NFASC: variants seen among roughly 807,000 people sequenced by gnomAD.
The protein encoded by NFASC is neurofascin.
NFASC carries 43 observed loss-of-function variants against 147.5 expected under a neutral mutation model. That is an observed-to-expected ratio of 0.29 (90% CI 0.23 to 0.38). The LOEUF is 0.38. Among genes scored for constraint, NFASC ranks in the 10% least tolerant of loss-of-function variants. The pLI is 1.00. For synonymous variants in NFASC, 622 were observed against 665.5 expected (o/e 0.93, Z 1.01); for missense variants, 1,320 against 1,689.0 (o/e 0.78, Z 3.83).
In NFASC at chr1:204,841,665, G is replaced by A. The variant is rs568120739; in HGVS notation, c.-200+12883G>A. ...CAGCATTGGTCTGTTTCACTTACAG[G>A]TTTACTTTTGATTGTGGTATTAAAA... On this transcript the variant is annotated intron_variant, in intron 1 of 29. Transcript: ENST00000339876. Among the ~76,000 whole-genome samples the A allele has an allele frequency of 2.0e-4, 30 of 152,230 alleles. No individual in the cohort carries two copies. In the South Asian group the frequency reaches 6.0e-3, roughly 31 times the overall value.
intron 1 of NFASC, among the ~76,000 whole-genome samples, chr1:204,874,155 C>T (rs995191416): frequency 2.6e-5 from 4 of 152,338 alleles, no homozygotes; most frequent in South Asian, 2.1e-4. Context: ...TGTTCCCCTT[C>T]GTTCCTACCC....
chr1:205,019,943 C>T lies in NFASC; in HGVS notation c.*3404C>T, dbSNP rs1056143857. The T allele has an allele frequency of 2.0e-5, 3 of 152,262 alleles. No homozygotes were observed. The highest frequency in any genetic ancestry group is 4.4e-5 in the Non-Finnish European group (3 of 68,060). 9.4% of individuals were successfully genotyped at this position (152,262 alleles called of 1,614,324 possible). A position where few individuals can be genotyped will look rare whatever the true frequency, so the allele number is the denominator to read the frequency against. On this transcript the variant is annotated 3_prime_UTR_variant, in exon 30 of 30. Transcript: ENST00000339876. ...TCGAGGCCAGGGTTCGGGAAGTACA[C>T]TGCCATCGGTCAGGGGACAGCTGCC...
intron 13 of NFASC, 55 bp downstream of exon 13, chr1:204,974,345 C>G (rs1222345906): frequency 8.1e-6 from 11 of 1,366,426 alleles, no homozygotes; most frequent in Admixed American, 1.7e-5. Context: ...CTCATCTTCT[C>G]CTTCCCATCT....
intron 3 of NFASC, among the ~76,000 whole-genome samples, chr1:204,949,382 A>G (rs1361741408): frequency 6.6e-6 from 1 of 152,180 alleles, no homozygotes; most frequent in Non-Finnish European, 1.5e-5. Context: ...GAAGGCTTCA[A>G]AGTCACCATG....
chr1:204,970,005 G>T (rs1558299477), intron 10 of NFASC, among the ~76,000 whole-genome samples: 1 of 148,938 alleles, frequency 6.7e-6, no homozygotes, highest in Admixed American at 6.8e-5. Flanking sequence ...GAACCTGGGA[G>T]GCGGAAGTTG....
At chr1:204,900,010 T>A (rs1464117015) in intron 1 of NFASC, among the ~76,000 whole-genome samples, 1 of 152,232 alleles carries the variant, frequency 6.6e-6, no homozygotes, top group Non-Finnish European at 1.5e-5. Context: ...TTATAGTGGA[T>A]GTGTTGAAAT....
chr1:204,963,480 C>T (rs1158287049), intron 8 of NFASC, among the ~76,000 whole-genome samples: 1 of 152,184 alleles, frequency 6.6e-6, no homozygotes, highest in East Asian at 1.9e-4. Context: ...TAAGATAAGC[C>T]ATACAGGGGA....
At chr1:204,858,034 C>A (rs1332015515) in intron 1 of NFASC, among the ~76,000 whole-genome samples, 1 of 150,940 alleles carries the variant, frequency 6.6e-6, no homozygotes, top group Non-Finnish European at 1.5e-5. Context: ...ATTCTCCTGT[C>A]TCAGCCTCCC....
At chr1:204,982,797 G>T (rs1458222580) in intron 21 of NFASC, among the ~76,000 whole-genome samples, 1 of 152,242 alleles carries the variant, frequency 6.6e-6, no homozygotes, top group Admixed American at 6.5e-5. Context: ...TCTGATCGGA[G>T]AAGTGATCAT....
chr1:204,939,038 ATG>A (rs60166382), intron 2 of NFASC, among the ~76,000 whole-genome samples: 7,342 of 123,414 alleles, frequency 0.059, 233 homozygotes, highest in African/African-American at 0.12. Context: ...GTATGGATGG[ATG>A]TGTGTGTGTG....
At chr1:204,982,091 C>T in intron 21 of NFASC, 71 bp downstream of exon 21, 1 of 1,053,168 alleles carries the variant, frequency 9.5e-7, no homozygotes, top group South Asian at 1.8e-5. Flanking sequence ...CGCTCACAGG[C>T]CAGGAACCTT....
At position 204,975,491 on chromosome 1, in the gene NFASC, C is replaced by T. The variant is rs894112677; in HGVS notation, c.1706+73C>T. 6.5e-7 allele frequency: 1 copy of T among 1,541,738 alleles called. No individual in the cohort carries two copies. Among genetic ancestry groups the T allele is most frequent in the African/African-American group, 1.4e-5 (1 of 73,564 alleles). On this transcript the variant is annotated intron_variant, in intron 15 of 29. Transcript: ENST00000339876. The surrounding 1 kb of genome is among the most constrained non-coding windows in gnomAD (Gnocchi z 4.0). ...TTCTTTTCCCTTGCTGTTGGTGACA[C>T]ATGGAAGAACACAGGGACAGGGAAC...
At chr1:204,914,099 G>C (rs779225979) in intron 1 of NFASC, among the ~76,000 whole-genome samples, 1 of 152,096 alleles carries the variant, frequency 6.6e-6, no homozygotes, top group Non-Finnish European at 1.5e-5. Context: ...TGATGTGGTC[G>C]ATTTGCAGCC....
intron 27 of NFASC, 81 bp downstream of exon 27, chr1:205,002,829 C>T (rs1574395395): frequency 8.6e-7 from 1 of 1,163,844 alleles, no homozygotes; most frequent in Non-Finnish European, 1.1e-6. Context: ...TTGCCTCTCT[C>T]CTCGGAAAGA....
At chr1:204,873,248 T>C (rs958963544) in intron 1 of NFASC, among the ~76,000 whole-genome samples, 1 of 152,148 alleles carries the variant, frequency 6.6e-6, no homozygotes, top group African/African-American at 2.4e-5. Flanking sequence ...ACATTTTCTC[T>C]CTTGGGATTT....
At chr1:204,938,417 A>T (rs767859506) in intron 2 of NFASC, among the ~76,000 whole-genome samples, 1 of 152,224 alleles carries the variant, frequency 6.6e-6, no homozygotes, top group Non-Finnish European at 1.5e-5. Context: ...AGTGTTTTAC[A>T]TAGGAATTGT....
At chr1:204,964,706 G>A (rs538072961) in intron 8 of NFASC, among the ~76,000 whole-genome samples, 2 of 152,314 alleles carry the variant, frequency 1.3e-5, no homozygotes, top group South Asian at 4.2e-4. Flanking sequence ...GGCCCCATGA[G>A]TCTCTGGTTC....
chr1:204,944,158 CT>C, intron 2 of NFASC, 67 bp from the exon 3 acceptor site: 1 of 1,430,460 alleles, frequency 7.0e-7, no homozygotes, highest in Non-Finnish European at 9.5e-7. Flanking sequence ...CTCCAAAGCC[CT>C]GTAGGATTGC....
intron 1 of NFASC, among the ~76,000 whole-genome samples, chr1:204,909,765 CT>C (rs1383766718): frequency 1.3e-5 from 2 of 151,834 alleles, no homozygotes; most frequent in Non-Finnish European, 2.9e-5. Flanking sequence ...GTTAAGATTC[CT>C]TTTTTCTTTC....
Sources: gnomAD v4.1 joint callset for allele counts (sites outside exome capture counted in the v4.1 genomes callset) on GRCh38, gnomAD v4.1.1 for gene constraint, Gnocchi (gnomAD v3.1) non-coding constraint, MANE v1.5 for transcripts, NCBI Gene and HGNC (gene_info 2026-07-23, HGNC 2026-07-21) for gene names.